Variants in RFLNA observed in about 807,000 individuals in gnomAD.
RFLNA encodes the protein refilin A, also known as refilin-A.
In RFLNA, 5 loss-of-function variants were observed where a neutral mutation model predicts 7.8. The observed-to-expected ratio is 0.64, with a 90% CI of 0.34 to 1.35. The LOEUF is 1.35. Among genes scored for constraint, RFLNA ranks in the 40% most tolerant of loss-of-function variants. The probability of loss-of-function intolerance (pLI) is 0.04; values close to 1 mark genes in which losing one functional copy is unlikely to be tolerated. For synonymous variants in RFLNA, 141 were observed against 131.3 expected (o/e 1.07, Z -0.50); for missense variants, 278 against 305.5 (o/e 0.91, Z 0.67).
At chr12:124,303,947 G>A (rs1381389951) in intron 1 of RFLNA, among the ~76,000 whole-genome samples, 1 of 152,184 alleles carries the variant, frequency 6.6e-6, no homozygotes, top group Non-Finnish European at 1.5e-5. Flanking sequence ...GTGTGCATGT[G>A]CCTGACCCCT....
At chr12:124,290,318 C>T (rs1271646357), upstream of RFLNA, among the ~76,000 whole-genome samples, 1 of 151,680 alleles carries the variant, frequency 6.6e-6, no homozygotes, top group African/African-American at 2.4e-5. This position sits in a 1 kb window ranked among gnomAD's most constrained non-coding sequence, Gnocchi z 4.0. Flanking sequence ...ATTTGTGTGT[C>T]CATGTATGTG....
At chr12:124,304,309 C>T (rs950281882) in intron 1 of RFLNA, among the ~76,000 whole-genome samples, 11 of 152,246 alleles carry the variant, frequency 7.2e-5, no homozygotes, top group African/African-American at 1.9e-4. Flanking sequence ...GCCCACGGGA[C>T]GCCAGCCTAT....
Position 124,300,742 on chromosome 12 carries a change from G to A in RFLNA, c.207+5106G>A, listed in dbSNP as rs1437298007. 1.7e-4 allele frequency among the ~76,000 whole-genome samples: 4 copies of A among 23,644 alleles called. No individual in the cohort carries two copies. In the East Asian group the frequency reaches 2.3e-3, roughly 14 times the overall value. 15.5% of individuals were successfully genotyped at this position (23,644 alleles called of 152,430 possible). ...AGGGTGGATGGATGCATGGATGGATGGATGGATGGATGGATGGATGGATGG... is the reference window on the plus strand; with the variant it reads ...AGGGTGGATGGATGCATGGATGGATAGATGGATGGATGGATGGATGGATGG... On this transcript the variant is annotated intron_variant, in intron 1 of 2. Transcript: ENST00000546355.
At chr12:124,296,618 C>T (rs970440954) in intron 1 of RFLNA, among the ~76,000 whole-genome samples, 15 of 152,202 alleles carry the variant, frequency 9.9e-5, no homozygotes, top group African/African-American at 3.6e-4. Context: ...AAGGCCTCCC[C>T]GCCGCTGAAA....
Position 124,296,108 on chromosome 12 carries a change from C to CTT in RFLNA, c.207+474_207+475dup, listed in dbSNP as rs1326129228. Among the ~76,000 whole-genome samples, 31 of 3,566 alleles carry CTT rather than the reference C, an allele frequency of 8.7e-3. No homozygotes were observed. The Non-Finnish European group carries it at 0.1, about 12-fold the overall frequency. The allele number at this position is 3,566 out of a possible 152,430, so 2.3% of individuals were successfully genotyped here. A position where few individuals can be genotyped will look rare whatever the true frequency, so the allele number is the denominator to read the frequency against. ...TCTTTCTTTCTTTCTTTCTTTCTTT[C>CTT]TTTCTTTCTTTCTTTCTCTCTCTCT... is the stretch of plus-strand genomic sequence containing the variant. On this transcript the variant is annotated intron_variant, in intron 1 of 2. Transcript: ENST00000546355.
chr12:124,308,828 G>A (rs781180992), intron 1 of RFLNA, among the ~76,000 whole-genome samples: 5 of 152,228 alleles, frequency 3.3e-5, no homozygotes, highest in African/African-American at 4.8e-5. Flanking sequence ...GGCTGGGGCC[G>A]GCCCGCCGGC....
intron 1 of RFLNA, among the ~76,000 whole-genome samples, chr12:124,309,744 A>G (rs963005889): frequency 6.6e-6 from 1 of 152,196 alleles, no homozygotes; most frequent in Non-Finnish European, 1.5e-5. Flanking sequence ...AGGATGCCTC[A>G]TAACATCCCC....
chr12:124,314,868 C>T lies in RFLNA; in HGVS notation c.*343C>T. 1 of 453,898 alleles carries T rather than the reference C, an allele frequency of 2.2e-6. No individual in the cohort carries two copies. The highest frequency in any genetic ancestry group is 2.6e-5 in the Admixed American group (1 of 38,192). 28.1% of individuals were successfully genotyped at this position (453,898 alleles called of 1,614,324 possible). On this transcript the variant is annotated 3_prime_UTR_variant, in exon 3 of 3. Transcript: ENST00000546355. The stretch of plus-strand genomic sequence containing the variant: ...AGTGCCCTTGAAGCAGAGAACAGCC[C>T]CGAGCAGTGTGAGGACAGAGGCATC...
chr12:124,305,859 A>G (rs1325936092), intron 1 of RFLNA, among the ~76,000 whole-genome samples: 7 of 151,912 alleles, frequency 4.6e-5, no homozygotes, highest in Non-Finnish European at 8.8e-5. Context: ...CCAGGAAGGG[A>G]GCAGCTGCCT....
At position 124,304,293 on chromosome 12, in the gene RFLNA, G is replaced by A. The variant is rs946924915; in HGVS notation, c.208-7525G>A. Among the ~76,000 whole-genome samples the A allele has an allele frequency of 3.9e-5, 6 of 152,348 alleles. 1 individual carries two copies. Among genetic ancestry groups the A allele is most frequent in the South Asian group, 4.1e-4 (2 of 4,820 alleles). On this transcript the variant is annotated intron_variant, in intron 1 of 2. Coordinates refer to ENST00000546355, the MANE Select transcript of RFLNA (RefSeq NM_001365156.1). ...CGGGGACTTCCCGAGCCGTCTCACC[G>A]CCCAGGCCCACGGGACGCCAGCCTA...
rs556428168 is a variant in RFLNA, at chr12:124,306,468, G to A, written c.208-5350G>A. ...GAGTGGGAATCCTTGAGCCTGTGTC[G>A]GGGGAGCCTGGAGCTGAGGGGGCAG... is the stretch of plus-strand genomic sequence containing the variant. On this transcript the variant is annotated intron_variant, in intron 1 of 2. Transcript: ENST00000546355. This position sits in a 1 kb window ranked among gnomAD's most constrained non-coding sequence, Gnocchi z 5.2. Among the ~76,000 whole-genome samples the A allele has an allele frequency of 2.2e-4, 34 of 152,186 alleles. No individual in the cohort carries two copies. Among genetic ancestry groups the A allele is most frequent in the Admixed American group, 6.5e-4 (10 of 15,296 alleles).
At chr12:124,295,773 G>A (rs1226264046) in intron 1 of RFLNA, 137 bp downstream of exon 1, 15 of 924,858 alleles carry the variant, frequency 1.6e-5, no homozygotes, top group Non-Finnish European at 2.0e-5. Flanking sequence ...GGTGGCCAGT[G>A]ACAGCCACGC....
chr12:124,314,961 G>A lies in RFLNA; in HGVS notation c.*436G>A, dbSNP rs1187248008. On this transcript the variant is annotated 3_prime_UTR_variant, in exon 3 of 3. Transcript: ENST00000546355. ...CTGCCACCCCATGTGTCCTAGGCTG[G>A]TGGCCAAGGCCATGTGTGAGGGAAG... is the stretch of plus-strand genomic sequence containing the variant. 3 of 338,592 alleles carry A rather than the reference G, an allele frequency of 8.9e-6. No homozygotes were observed. Among genetic ancestry groups the A allele is most frequent in the Middle Eastern group, 1.1e-3 (1 of 930 alleles). 21.0% of individuals were successfully genotyped at this position (338,592 alleles called of 1,614,324 possible).
chr12:124,297,090 C>A (rs966044128), intron 1 of RFLNA, among the ~76,000 whole-genome samples: 3 of 151,832 alleles, frequency 2.0e-5, no homozygotes, highest in Admixed American at 2.0e-4. Flanking sequence ...GAGCTGCACA[C>A]TTTGGGACTG....
At position 124,289,648 on chromosome 12, in the gene RFLNA, C is replaced by T. The variant is rs1354307667; in HGVS notation, c.-37+278C>T. 6.6e-6 allele frequency among the ~76,000 whole-genome samples: 1 copy of T among 152,266 alleles called. No homozygotes were observed. Among genetic ancestry groups the T allele is most frequent in the Non-Finnish European group, 1.5e-5 (1 of 68,054 alleles). ...GACACCCAGGGCATGGGCCCTGACC[C>T]CCAGACAGCTGCCCAGCAAAGGCGG... On this transcript the variant is annotated intron_variant, in intron 1 of 2. Coordinates refer to the RFLNA transcript ENST00000324038. This position sits in a 1 kb window ranked among gnomAD's most constrained non-coding sequence, Gnocchi z 5.0.
intron 1 of RFLNA, among the ~76,000 whole-genome samples, chr12:124,300,361 T>G (rs565528334): frequency 6.6e-6 from 1 of 152,304 alleles, no homozygotes; most frequent in South Asian, 2.1e-4. Flanking sequence ...GGACCCACAT[T>G]GCAAGAGAAG....
Position 124,314,619 on chromosome 12 carries a change from C to G in RFLNA, c.*94C>G. 6.5e-7 allele frequency: 1 copy of G among 1,529,586 alleles called. No individual in the cohort carries two copies. The highest frequency in any genetic ancestry group is 8.8e-7 in the Non-Finnish European group (1 of 1,141,634). 94.8% of individuals were successfully genotyped at this position (1,529,586 alleles called of 1,614,324 possible). A position where few individuals can be genotyped will look rare whatever the true frequency, so the allele number is the denominator to read the frequency against. On this transcript the variant is annotated 3_prime_UTR_variant, in exon 3 of 3. Transcript: ENST00000546355. ...CGATGAGCTCGGCCTGGCACTCGGG[C>G]AGGAGGCGGGAAGGGAGGCTGCCAG...
chr12:124,295,575 A>ACG lies in RFLNA; in HGVS notation c.155_156dup (p.Gly53ArgfsTer31), dbSNP rs1284045044. ...TACTCCCTGGCGCCCGGCATCCTCGACGCGCGCGCGGGGGGCGCCGGCGCC... is the reference window on the plus strand; with the variant it reads ...TACTCCCTGGCGCCCGGCATCCTCGACGCGCGCGCGCGGGGGGCGCCGGCGCC... On this transcript the variant is annotated frameshift_variant, in exon 1 of 3. Transcript: ENST00000546355. LOFTEE classifies it high-confidence loss of function. 4 of 1,126,884 alleles carry ACG rather than the reference A, an allele frequency of 3.5e-6. No homozygotes were observed. The highest frequency in any genetic ancestry group is 4.3e-6 in the Non-Finnish European group (4 of 924,124). The allele number at this position is 1,126,884 out of a possible 1,614,324, so 69.8% of individuals were successfully genotyped here.
At chr12:124,302,893 A>C (rs1221809967) in intron 1 of RFLNA, among the ~76,000 whole-genome samples, 1 of 79,826 alleles carries the variant, frequency 1.3e-5, no homozygotes, top group Non-Finnish European at 3.1e-5. Flanking sequence ...TAGCTGTTGC[A>C]AGGCTCCATG....
Sources: allele counts gnomAD v4.1 joint callset (sites outside exome capture counted in the v4.1 genomes callset), GRCh38; gene constraint gnomAD v4.1.1; non-coding constraint Gnocchi (gnomAD v3.1); transcripts MANE v1.5; gene names NCBI Gene and HGNC (gene_info 2026-07-23, HGNC 2026-07-21).